The following KCNJ6 variants were observed in gnomAD, a reference collection of about 807,000 sequenced individuals.
KCNJ6 encodes potassium inwardly rectifying channel subfamily J member 6.
KCNJ6 carries 9 observed loss-of-function variants against 34.2 expected under a neutral mutation model. The observed-to-expected ratio is 0.26, with a 90% CI of 0.16 to 0.46. The LOEUF is 0.46. KCNJ6 is among the 20% of genes least tolerant of loss of function. KCNJ6 has a pLI of 1.00. For synonymous variants in KCNJ6, 196 were observed against 207.1 expected, an observed-to-expected ratio of 0.95 and a Z score of 0.46; for missense variants, 236 against 531.3, an observed-to-expected ratio of 0.44 and a Z score of 5.46.
chr21:37,739,338 G>A (rs2054928310), intron 2 of KCNJ6, among the ~76,000 whole-genome samples: 2 of 152,178 alleles, frequency 1.3e-5, no homozygotes, highest in South Asian at 2.1e-4. Flanking sequence ...ATCCAGTACT[G>A]AGGAACGCCA....
chr21:37,623,224 G>A lies in KCNJ6; in HGVS notation c.*1935C>T, dbSNP rs1046586853. On this transcript the variant is annotated 3_prime_UTR_variant, in exon 4 of 4. Transcript: ENST00000609713. ...TCTGAGATGGGAGAAGAGAGGCCCC[G>A]AGGTTATATTTAGGAGCCACTTTCC... The A allele has an allele frequency of 6.6e-6, 1 of 152,254 alleles. No homozygotes were observed. Among genetic ancestry groups the A allele is most frequent in the African/African-American group, 2.4e-5 (1 of 41,448 alleles). The allele number at this position is 152,254 out of a possible 1,614,324, so 9.4% of individuals were successfully genotyped here.
At chr21:37,813,240 A>T (rs1034824766) in intron 2 of KCNJ6, among the ~76,000 whole-genome samples, 2 of 152,238 alleles carry the variant, frequency 1.3e-5, no homozygotes, top group African/African-American at 4.8e-5. Flanking sequence ...TAAAACATTG[A>T]TGAAAGAAAT....
chr21:37,807,581 C>A (rs1407984807), intron 2 of KCNJ6, among the ~76,000 whole-genome samples: 2 of 152,144 alleles, frequency 1.3e-5, no homozygotes, highest in African/African-American at 4.8e-5. Flanking sequence ...ACACAAATAC[C>A]ATTGTGTTCC....
chr21:37,900,658 C>A (rs1030614741), intron 1 of KCNJ6, among the ~76,000 whole-genome samples: 4 of 152,104 alleles, frequency 2.6e-5, no homozygotes, highest in Non-Finnish European at 5.9e-5. Flanking sequence ...AGGGGCAATT[C>A]TGGGTGGATT....
intron 3 of KCNJ6, among the ~76,000 whole-genome samples, chr21:37,633,663 C>A (rs1283135900): frequency 6.6e-6 from 1 of 151,962 alleles, no homozygotes; most frequent in African/African-American, 2.4e-5. Context: ...TTTTTATATA[C>A]CAGCAACAAA....
chr21:37,719,986 T>A (rs2054816032), intron 2 of KCNJ6, among the ~76,000 whole-genome samples: 2 of 152,140 alleles, frequency 1.3e-5, no homozygotes, highest in African/African-American at 4.8e-5. Flanking sequence ...TTGAGACTTT[T>A]TAATGTCGTG....
intron 2 of KCNJ6, among the ~76,000 whole-genome samples, chr21:37,766,915 T>A (rs1006322176): frequency 2.0e-5 from 3 of 152,176 alleles, no homozygotes; most frequent in Non-Finnish European, 2.9e-5. Context: ...GAGCTCCTTA[T>A]GAAAATCAAA....
At chr21:37,710,630 G>C (rs951576562) in intron 3 of KCNJ6, among the ~76,000 whole-genome samples, 3 of 152,230 alleles carry the variant, frequency 2.0e-5, no homozygotes, top group Non-Finnish European at 2.9e-5. Context: ...AATCAGCAAG[G>C]CCGTAGTGGG....
chr21:37,614,580 CTG>C lies in KCNJ6; in HGVS notation c.*10577_*10578del, dbSNP rs367795139. On this transcript the variant is annotated 3_prime_UTR_variant, in exon 4 of 4. Coordinates refer to ENST00000609713, the MANE Select transcript of KCNJ6 (RefSeq NM_002240.5). ...TATGCGTGTGTGTATGCATGTGTCT[CTG>C]TATGCATGTGTGTGTATGCATGTCT... 5.0e-5 allele frequency: 6 copies of C among 118,932 alleles called. No homozygotes were observed. The highest frequency in any genetic ancestry group is 1.8e-4 in the Admixed American group (2 of 11,162). The allele number at this position is 118,932 out of a possible 1,614,324, so 7.4% of individuals were successfully genotyped here.
chr21:37,713,297 A>G (rs1486759529), intron 3 of KCNJ6, among the ~76,000 whole-genome samples: 2 of 152,120 alleles, frequency 1.3e-5, no homozygotes, highest in Non-Finnish European at 2.9e-5. Flanking sequence ...TGATGGTATC[A>G]GGAAAAAGGA....
In KCNJ6 at chr21:37,660,562, C is replaced by T. The variant is rs1247865021; in HGVS notation, c.947-35078G>A. ...TACTATGGCCACAGAATGCATTGTT[C>T]CCATAAGGACCAAACAAAGACTTGT... On this transcript the variant is annotated intron_variant, in intron 3 of 3. Coordinates refer to ENST00000609713, the MANE Select transcript of KCNJ6 (RefSeq NM_002240.5). Among the ~76,000 whole-genome samples, 5 of 152,180 alleles carry T rather than the reference C, an allele frequency of 3.3e-5. No individual in the cohort carries two copies. The East Asian group carries it at 9.6e-4, about 29-fold the overall frequency.
At chr21:37,890,747 G>A (rs1032663215) in intron 1 of KCNJ6, among the ~76,000 whole-genome samples, 1 of 152,140 alleles carries the variant, frequency 6.6e-6, no homozygotes, top group South Asian at 2.1e-4. Context: ...TCCCCTGCAA[G>A]TCCCACAGAC....
intron 2 of KCNJ6, among the ~76,000 whole-genome samples, chr21:37,772,102 C>G (rs2055120443): frequency 6.6e-6 from 1 of 152,088 alleles, no homozygotes; most frequent in Admixed American, 6.5e-5. Flanking sequence ...TTTTACTTCA[C>G]CCATAGTGAC....
chr21:37,817,874 T>A (rs1389487024), intron 2 of KCNJ6, among the ~76,000 whole-genome samples: 3 of 152,208 alleles, frequency 2.0e-5, no homozygotes, highest in Non-Finnish European at 4.4e-5. Flanking sequence ...ACAACAGAAC[T>A]CTTTTTGTAT....
chr21:37,733,401 G>T (rs1396093065), intron 2 of KCNJ6, among the ~76,000 whole-genome samples: 1 of 152,126 alleles, frequency 6.6e-6, no homozygotes, highest in Non-Finnish European at 1.5e-5. Context: ...TCTCGGAGAT[G>T]GGCATTTCCT....
intron 3 of KCNJ6, among the ~76,000 whole-genome samples, chr21:37,631,720 C>A (rs1350008287): frequency 6.6e-6 from 1 of 152,160 alleles, no homozygotes; most frequent in Non-Finnish European, 1.5e-5. Flanking sequence ...GCAAGAAAAT[C>A]TCAGAGAGAA....
intron 2 of KCNJ6, among the ~76,000 whole-genome samples, chr21:37,756,403 C>A (rs1425127960): frequency 6.6e-6 from 1 of 152,136 alleles, no homozygotes; most frequent in Non-Finnish European, 1.5e-5. Flanking sequence ...GCAGGGCTGG[C>A]GTGGGGGCCT....
chr21:37,914,159 C>T (rs2055882142), intron 1 of KCNJ6, among the ~76,000 whole-genome samples: 1 of 151,998 alleles, frequency 6.6e-6, no homozygotes, highest in African/African-American at 2.4e-5. Flanking sequence ...TGAATAGGTC[C>T]TCTGATGCAC....
chr21:37,755,528 T>C (rs1441626905), intron 2 of KCNJ6, among the ~76,000 whole-genome samples: 4 of 152,028 alleles, frequency 2.6e-5, no homozygotes, highest in African/African-American at 4.8e-5. Context: ...GTCTTGAAAA[T>C]AGGCAGACTA....
Sources: allele counts gnomAD v4.1 joint callset (sites outside exome capture counted in the v4.1 genomes callset), GRCh38; gene constraint gnomAD v4.1.1; transcripts MANE v1.5; gene names NCBI Gene and HGNC (gene_info 2026-07-23, HGNC 2026-07-21).